TRAM2: variants seen among roughly 807,000 people sequenced by gnomAD.
TRAM2 encodes translocation associated membrane protein 2.
In TRAM2, 12 loss-of-function variants were observed where a neutral mutation model predicts 51.0. The observed-to-expected ratio is 0.24, with a 90% CI of 0.15 to 0.38. The LOEUF (loss-of-function observed/expected upper bound fraction) is 0.38. Ranked by LOEUF, TRAM2 falls within the 10% of genes least tolerant of loss-of-function variation. TRAM2 has a pLI of 1.00. For missense variants in TRAM2, 361 were observed against 462.0 expected (o/e 0.78, Z 2.00); for synonymous variants, 175 against 179.4 (o/e 0.98, Z 0.20).
At chr6:52,512,167 G>A (rs1400783327) in intron 4 of TRAM2, among the ~76,000 whole-genome samples, 1 of 152,158 alleles carries the variant, frequency 6.6e-6, no homozygotes, top group African/African-American at 2.4e-5. Flanking sequence ...ACTGAGGTGG[G>A]AGAGAAAGTT....
At chr6:52,532,152 T>C (rs1290762661) in intron 2 of TRAM2, among the ~76,000 whole-genome samples, 1 of 152,196 alleles carries the variant, frequency 6.6e-6, no homozygotes, top group Non-Finnish European at 1.5e-5. Flanking sequence ...TGTCTGCCAA[T>C]GTCTCTGGGA....
intron 5 of TRAM2, 112 bp downstream of exon 5, chr6:52,509,416 G>A (rs180988180): frequency 2.1e-4 from 205 of 991,540 alleles, no homozygotes; most frequent in Admixed American, 8.9e-4. Context: ...CTCAGGGCAT[G>A]ATCTGCTCGT....
chr6:52,575,809 T>G (rs73742612), intron 1 of TRAM2, among the ~76,000 whole-genome samples: 1 of 152,240 alleles, frequency 6.6e-6, no homozygotes, highest in Non-Finnish European at 1.5e-5. Flanking sequence ...GTGAGGGGAA[T>G]GTCGCTCACA....
intron 1 of TRAM2, among the ~76,000 whole-genome samples, chr6:52,557,588 G>A (rs771758229): frequency 3.3e-5 from 5 of 152,106 alleles, no homozygotes; most frequent in African/African-American, 7.2e-5. Flanking sequence ...GCATAACACC[G>A]TATTTATAAG....
chr6:52,518,200 T>C (rs1766588109), intron 2 of TRAM2, among the ~76,000 whole-genome samples: 1 of 152,136 alleles, frequency 6.6e-6, no homozygotes, highest in African/African-American at 2.4e-5. Context: ...GTGGGTAAAC[T>C]GTTCACTGGT....
chr6:52,535,961 G>T, intron 1 of TRAM2, 115 bp from the exon 2 acceptor site: 1 of 797,254 alleles, frequency 1.3e-6, no homozygotes, highest in Non-Finnish European at 2.0e-6. Flanking sequence ...TTGACTGAAC[G>T]GTTCTGCCTA....
Position 52,513,518 on chromosome 6 carries a change from T to A in TRAM2, c.411+2488A>T, listed in dbSNP as rs192922264. 1.9e-3 allele frequency among the ~76,000 whole-genome samples: 291 copies of A among 152,226 alleles called. 1 individual carries two copies. The highest frequency in any genetic ancestry group is 6.6e-3 in the African/African-American group (276 of 41,526). On this transcript the variant is annotated intron_variant, in intron 4 of 10. Coordinates refer to ENST00000182527, the MANE Select transcript of TRAM2 (RefSeq NM_012288.4). ...AGAGAAGCACCAGCAACAGGCACAG[T>A]GCAGAAAATGCAAATTGGTGGGGGG...
intron 1 of TRAM2, among the ~76,000 whole-genome samples, chr6:52,572,866 G>A (rs548493126): frequency 5.9e-5 from 9 of 152,240 alleles, no homozygotes; most frequent in African/African-American, 2.2e-4. Context: ...TCAGTGTCAG[G>A]AGCAGGGAAG....
At chr6:52,532,085 G>T (rs1417338138) in intron 2 of TRAM2, among the ~76,000 whole-genome samples, 1 of 152,222 alleles carries the variant, frequency 6.6e-6, no homozygotes, top group African/African-American at 2.4e-5. Flanking sequence ...TTCAGCTCTA[G>T]AGTGTGCTGT....
intron 2 of TRAM2, chr6:52,523,099 G>A: frequency 2.1e-6 from 1 of 470,162 alleles, no homozygotes; most frequent in Non-Finnish European, 3.7e-6. Flanking sequence ...GAGCATCACT[G>A]TACTCCTAGT....
chr6:52,536,400 T>C (rs1766978176), intron 1 of TRAM2, among the ~76,000 whole-genome samples: 1 of 152,230 alleles, frequency 6.6e-6, no homozygotes, highest in African/African-American at 2.4e-5. Flanking sequence ...ATTCCTGGTT[T>C]GTTTATTTCA....
chr6:52,498,021 G>GT lies in TRAM2; in HGVS notation c.*5175dup, dbSNP rs912221591. On this transcript the variant is annotated 3_prime_UTR_variant, in exon 11 of 11. Coordinates refer to ENST00000182527, the MANE Select transcript of TRAM2 (RefSeq NM_012288.4). ...TGACTTAAGCCCCATCGTGAGAATGGTTTTTTCCTCTTCAACACATTTTTT... is the reference window on the plus strand; with the variant it reads ...TGACTTAAGCCCCATCGTGAGAATGGTTTTTTTCCTCTTCAACACATTTTTT... The GT allele has an allele frequency of 2.6e-5, 4 of 152,298 alleles. No individual in the cohort carries two copies. Among genetic ancestry groups the GT allele is most frequent in the African/African-American group, 9.6e-5 (4 of 41,556 alleles). The allele number at this position is 152,298 out of a possible 1,614,324, so 9.4% of individuals were successfully genotyped here.
Position 52,502,978 on chromosome 6 carries a change from A to C in TRAM2, c.*219T>G, listed in dbSNP as rs989835518. ...ACAGGAGGTGGCCTGAGGGGGAGAA[A>C]GAGAAAGATTTTTGGCTTTATTGAG... On this transcript the variant is annotated 3_prime_UTR_variant, in exon 11 of 11. Coordinates refer to ENST00000182527, the MANE Select transcript of TRAM2 (RefSeq NM_012288.4). 1 of 595,764 alleles carries C rather than the reference A, an allele frequency of 1.7e-6. No individual in the cohort carries two copies. Among genetic ancestry groups the C allele is most frequent in the East Asian group, 2.8e-5 (1 of 35,760 alleles). The allele number at this position is 595,764 out of a possible 1,614,324, so 36.9% of individuals were successfully genotyped here. A position where few individuals can be genotyped will look rare whatever the true frequency, so the allele number is the denominator to read the frequency against.
At chr6:52,569,280 C>A (rs148067241) in intron 1 of TRAM2, among the ~76,000 whole-genome samples, 12,280 of 151,576 alleles carry the variant, frequency 0.081, 718 homozygotes, top group Non-Finnish European at 0.12. Flanking sequence ...GTCCCAGCCA[C>A]TTGGGAGGCT....
chr6:52,515,005 G>A (rs1470819466), intron 4 of TRAM2, among the ~76,000 whole-genome samples: 1 of 152,146 alleles, frequency 6.6e-6, no homozygotes, highest in Non-Finnish European at 1.5e-5. Context: ...AATGATAATA[G>A]GAATAAAAAC....
At chr6:52,571,056 T>C (rs554794250) in intron 1 of TRAM2, among the ~76,000 whole-genome samples, 1 of 151,968 alleles carries the variant, frequency 6.6e-6, no homozygotes, top group Admixed American at 6.5e-5. Flanking sequence ...ACCATGTTAG[T>C]ACTTTTACTG....
chr6:52,534,269 T>C (rs1026929567), intron 2 of TRAM2, among the ~76,000 whole-genome samples: 3 of 151,582 alleles, frequency 2.0e-5, no homozygotes, highest in African/African-American at 7.3e-5. Context: ...TAACCCCAGC[T>C]ACTTGGGAGG....
At chr6:52,531,167 T>C (rs940729066) in intron 2 of TRAM2, among the ~76,000 whole-genome samples, 21 of 141,550 alleles carry the variant, frequency 1.5e-4, no homozygotes, top group Admixed American at 4.2e-4. Flanking sequence ...TAGAGTACGA[T>C]CTAAGGAGAT....
At chr6:52,565,811 ACTT>A (rs757006026) in intron 1 of TRAM2, among the ~76,000 whole-genome samples, 2 of 152,324 alleles carry the variant, frequency 1.3e-5, no homozygotes, top group South Asian at 4.1e-4. Context: ...GGCTGTGCCT[ACTT>A]CTTCTGTCCA....
Sources: allele counts gnomAD v4.1 joint callset (sites outside exome capture counted in the v4.1 genomes callset), GRCh38; gene constraint gnomAD v4.1.1; transcripts MANE v1.5; gene names NCBI Gene and HGNC (gene_info 2026-07-23, HGNC 2026-07-21).